Variants in GNAS observed in about 807,000 individuals in gnomAD.
GNAS encodes protein ALEX.
Under a neutral mutation model 54.5 loss-of-function variants are expected in GNAS, and 8 were observed. The ratio of observed to expected loss-of-function variants is 0.15; its 90% CI spans 0.09 to 0.26. GNAS has a LOEUF of 0.26. Among genes scored for constraint, GNAS ranks in the 10% least tolerant of loss-of-function variants. The pLI, the probability that GNAS is intolerant of heterozygous loss-of-function variation, is 1.00. For synonymous variants in GNAS, 204 were observed against 191.4 expected, an observed-to-expected ratio of 1.07 and a Z score of -0.54; for missense variants, 170 against 529.8, an observed-to-expected ratio of 0.32 and a Z score of 6.67.
Position 58,911,051 on chromosome 20 carries a change from A to AAAG in GNAS, c.*223_*225dup, listed in dbSNP as rs2091405753. 1.5e-6 allele frequency: 1 copy of AAAG among 675,868 alleles called. No homozygotes were observed. The highest frequency in any genetic ancestry group is 2.7e-6 in the Non-Finnish European group (1 of 370,386). 41.9% of individuals were successfully genotyped at this position (675,868 alleles called of 1,614,324 possible). On this transcript the variant is annotated 3_prime_UTR_variant, in exon 13 of 13. Coordinates refer to ENST00000371085, the MANE Select transcript of GNAS (RefSeq NM_000516.7). ...TACAGAAAAAGGAAAAAAGGCCACA[A>AAAG]AAGTTCCCTCTCACTTTCAGTAAAA... is the stretch of plus-strand genomic sequence containing the variant.
In GNAS at chr20:58,853,855, C is replaced by A. The variant is rs755274133; in HGVS notation, c.43+12969C>A. On this transcript the variant is annotated intron_variant, in intron 1 of 12. Coordinates refer to the GNAS transcript ENST00000306090. The surrounding 1 kb of genome is among the most constrained non-coding windows in gnomAD (Gnocchi z 4.4). Reference sequence around the variant, plus strand: ...CCAGGTGCTGCAGGGGTCCCCGGAGCTCCTCCCGAGGAGCCCCAAGCCCTC... The same window carrying A: ...CCAGGTGCTGCAGGGGTCCCCGGAGATCCTCCCGAGGAGCCCCAAGCCCTC... The A allele has an allele frequency of 6.3e-7, 1 of 1,594,418 alleles. No individual in the cohort carries two copies. Among genetic ancestry groups the A allele is most frequent in the East Asian group, 2.3e-5 (1 of 43,766 alleles).
At chr20:58,865,785 G>A (rs2087031739) in intron 1 of GNAS, among the ~76,000 whole-genome samples, 1 of 151,968 alleles carries the variant, frequency 6.6e-6, no homozygotes, top group South Asian at 2.1e-4. Flanking sequence ...AAGTGACCCA[G>A]ATGACCCTAA....
At chr20:58,881,902 A>G (rs1295750582) in intron 1 of GNAS, 1 of 152,186 alleles carries the variant, frequency 6.6e-6, no homozygotes, top group African/African-American at 2.4e-5. Context: ...CACATTTCCT[A>G]GAATCCTGGA....
At chr20:58,865,509 A>G (rs1055959321) in intron 1 of GNAS, among the ~76,000 whole-genome samples, 1 of 147,978 alleles carries the variant, frequency 6.8e-6, no homozygotes, top group Non-Finnish European at 1.5e-5. Flanking sequence ...TATAATATAT[A>G]CATATATAAT....
At chr20:58,879,659 G>A (rs1432969969) in intron 1 of GNAS, among the ~76,000 whole-genome samples, 2 of 152,146 alleles carry the variant, frequency 1.3e-5, no homozygotes, top group East Asian at 1.9e-4. Context: ...ACAAGGTGTG[G>A]GGGTCTCGCT....
intron 1 of GNAS, among the ~76,000 whole-genome samples, chr20:58,878,806 G>C (rs189889429): frequency 4.7e-4 from 72 of 152,142 alleles, no homozygotes; most frequent in Admixed American, 1.5e-3. Context: ...TCTGGAAGGA[G>C]GGAGATGCAG....
At chr20:58,839,830 G>A (rs2085653576), upstream of GNAS, 1 of 593,446 alleles carries the variant, frequency 1.7e-6, no homozygotes, top group South Asian at 2.1e-5. Flanking sequence ...AAGACTCAGC[G>A]AGAGGAGCCC....
intron 1 of GNAS, among the ~76,000 whole-genome samples, chr20:58,860,000 A>C (rs1159275558): frequency 6.6e-6 from 1 of 152,226 alleles, no homozygotes; most frequent in Non-Finnish European, 1.5e-5. Flanking sequence ...CTTACCAGAA[A>C]TGTGATGATA....
intron 1 of GNAS, chr20:58,842,162 G>A (rs1257011192): frequency 2.5e-6 from 1 of 398,602 alleles, no homozygotes; most frequent in East Asian, 3.6e-5. Context: ...GCACAAAAAC[G>A]GCAGCAATCT....
Position 58,841,409 on chromosome 20 carries a change from T to C in GNAS, c.43+523T>C. 1.0e-6 allele frequency: 1 copy of C among 995,938 alleles called. No homozygotes were observed. The highest frequency in any genetic ancestry group is 1.2e-6 in the Non-Finnish European group (1 of 836,364). 61.7% of individuals were successfully genotyped at this position (995,938 alleles called of 1,614,324 possible). A position where few individuals can be genotyped will look rare whatever the true frequency, so the allele number is the denominator to read the frequency against. ...AATCTGAATGGGAATGGGCGAGAAC[T>C]CTAGAGACTGACCACCCGGGAGGGA... On this transcript the variant is annotated intron_variant, in intron 1 of 12. Coordinates refer to the GNAS transcript ENST00000306090. This position sits in a 1 kb window ranked among gnomAD's most constrained non-coding sequence, Gnocchi z 5.0.
chr20:58,891,909 G>A (rs770793039), intron 1 of GNAS, 44 bp downstream of exon 1: 2 of 983,366 alleles, frequency 2.0e-6, no homozygotes, highest in South Asian at 8.1e-5. Flanking sequence ...GGGGGCCCTC[G>A]AAGGGCGCCC....
rs186485497 is a variant in GNAS, at chr20:58,882,287, G to A, written c.44-13325G>A. Among the ~76,000 whole-genome samples, 55 of 152,274 alleles carry A rather than the reference G, an allele frequency of 3.6e-4. 1 individual carries two copies. In the East Asian group the frequency reaches 0.01, roughly 28 times the overall value. On this transcript the variant is annotated intron_variant, in intron 1 of 12. Coordinates refer to the GNAS transcript ENST00000306090. ...GGTTTCACCATGGTCTCGATCTCCT[G>A]ACCTCGTGATCCGCCTGCCTCGGCC...
rs1569032964 is a variant in GNAS, at chr20:58,910,841, C to T, written c.*12C>T. 1.2e-6 allele frequency: 2 copies of T among 1,612,684 alleles called. No individual in the cohort carries two copies. Among genetic ancestry groups the T allele is most frequent in the Admixed American group, 1.7e-5 (1 of 60,024 alleles). On this transcript the variant is annotated 3_prime_UTR_variant, in exon 13 of 13. Coordinates refer to ENST00000371085, the MANE Select transcript of GNAS (RefSeq NM_000516.7). This position sits in a 1 kb window ranked among gnomAD's most constrained non-coding sequence, Gnocchi z 5.8. ...ACGAGCTGCTCTAAGAAGGGAACCC[C>T]CAAATTTAATTAAAGCCTTAAGCAC...
chr20:58,849,445 A>G (rs1377292324), intron 1 of GNAS, among the ~76,000 whole-genome samples: 1 of 152,202 alleles, frequency 6.6e-6, no homozygotes, highest in Non-Finnish European at 1.5e-5. Context: ...CTCTGACTCC[A>G]TAAATTCATC....
intron 1 of GNAS, chr20:58,892,156 T>C (rs1186179308): frequency 3.0e-5 from 28 of 927,752 alleles, no homozygotes; most frequent in South Asian, 5.0e-5. Context: ...GCTCTCCCCC[T>C]CTTTCTCTCT....
intron 1 of GNAS, among the ~76,000 whole-genome samples, chr20:58,871,277 G>T (rs941593654): frequency 6.6e-6 from 1 of 152,160 alleles, no homozygotes; most frequent in Non-Finnish European, 1.5e-5. Context: ...GAGACAAAGA[G>T]AAATTAAGGT....
rs2086415808 is a variant in GNAS at position 58,855,198 on chromosome 20, C to T, written c.43+14312C>T. 3.1e-6 allele frequency: 5 copies of T among 1,603,610 alleles called. No homozygotes were observed. The South Asian group carries it at 3.3e-5, about 11-fold the overall frequency. ...CAAGAAGGTACCCCTGGCGGAGAAGCGCAGACAGATGCGCAAAGAAGCCCT... is the reference window on the plus strand; with the variant it reads ...CAAGAAGGTACCCCTGGCGGAGAAGTGCAGACAGATGCGCAAAGAAGCCCT... On this transcript the variant is annotated intron_variant, in intron 1 of 12. Transcript: ENST00000306090.
At chr20:58,840,113 C>G (rs202131370), upstream of GNAS, 122 of 1,610,852 alleles carry the variant, frequency 7.6e-5, no homozygotes, top group Non-Finnish European at 1.1e-5. The surrounding 1 kb of genome is among the most constrained non-coding windows in gnomAD (Gnocchi z 6.0). Flanking sequence ...GAGGATGGAT[C>G]GGAGGTCCCG....
chr20:58,905,019 T>C (rs182311119), intron 5 of GNAS, among the ~76,000 whole-genome samples: 4 of 152,210 alleles, frequency 2.6e-5, no homozygotes, highest in Non-Finnish European at 4.4e-5. Flanking sequence ...TTTCTTATTT[T>C]CACAACATTG....
Sources: gnomAD v4.1 joint callset for allele counts (sites outside exome capture counted in the v4.1 genomes callset) on GRCh38, gnomAD v4.1.1 for gene constraint, Gnocchi (gnomAD v3.1) non-coding constraint, MANE v1.5 for transcripts, NCBI Gene and HGNC (gene_info 2026-07-23, HGNC 2026-07-21) for gene names.